NAMPT: variants seen among roughly 807,000 people sequenced by gnomAD.
NAMPT encodes the protein NAmPRTase.
In NAMPT, 7 loss-of-function variants were observed where a neutral mutation model predicts 58.7. The observed-to-expected ratio is 0.12, with a 90% confidence interval of 0.07 to 0.22. The LOEUF is 0.22. NAMPT is among the 10% of genes least tolerant of loss of function. The pLI, the probability that NAMPT is intolerant of heterozygous loss-of-function variation, is 1.00. For synonymous variants in NAMPT, 145 were observed against 198.1 expected (o/e 0.73, Z 2.25); for missense variants, 271 against 567.9 (o/e 0.48, Z 5.31).
At chr7:106,260,999 G>C (rs1299490833) in intron 8 of NAMPT, among the ~76,000 whole-genome samples, 1 of 152,318 alleles carries the variant, frequency 6.6e-6, no homozygotes, top group East Asian at 1.9e-4. Context: ...CAGACATGAA[G>C]TGAATACATG....
At chr7:106,283,329 A>AT (rs1249004361) in intron 1 of NAMPT, among the ~76,000 whole-genome samples, 1 of 152,156 alleles carries the variant, frequency 6.6e-6, no homozygotes, top group African/African-American at 2.4e-5. Flanking sequence ...TGTTAAAGTA[A>AT]TTTTACATTC....
rs767084137 is a variant in NAMPT, at chr7:106,269,151, T to C, written c.606+3A>G. Reference sequence around the variant, plus strand: ...TTAAATGAGGTTGGTTTCAGTTACTTACCTCTTGGGAAGAGACTCCTCTGT... The same window carrying C: ...TTAAATGAGGTTGGTTTCAGTTACTCACCTCTTGGGAAGAGACTCCTCTGT... On this transcript the variant is annotated splice_donor_region_variant and intron_variant, in intron 5 of 10. Coordinates refer to ENST00000222553, the MANE Select transcript of NAMPT (RefSeq NM_005746.3). 44 of 1,608,068 alleles carry C rather than the reference T, an allele frequency of 2.7e-5. No homozygotes were observed. The Admixed American group carries it at 6.2e-4, about 22-fold the overall frequency.
Position 106,269,282 on chromosome 7 carries a change from T to A in NAMPT, c.478A>T (p.Thr160Ser). ...TILVQSWYPITVATNSREQKK... is the reference protein window; with the variant it reads ...TILVQSWYPISVATNSREQKK... ...TGCTCTCTAGAATTTGTGGCCACTG[T>A]GATTGGATACCAGGACTGAACAAGA... Residue 160 changes from threonine (T) to serine (S), a missense_variant, in exon 5 of 11, where the codon ACA becomes TCA. Transcript: ENST00000222553. The A allele has an allele frequency of 6.2e-7, 1 of 1,613,540 alleles. No individual in the cohort carries two copies. The highest frequency in any genetic ancestry group is 1.3e-5 in the African/African-American group (1 of 75,032).
At chr7:106,269,382 C>CTTTTT in intron 4 of NAMPT, 70 bp from the exon 5 acceptor site, 1 of 1,152,802 alleles carries the variant, frequency 8.7e-7, no homozygotes, top group Non-Finnish European at 1.2e-6. Flanking sequence ...AAAATCCTAG[C>CTTTTT]TTTTTTTTTT....
intron 3 of NAMPT, 60 bp downstream of exon 3, chr7:106,274,886 C>A: frequency 9.1e-7 from 1 of 1,093,422 alleles, no homozygotes; most frequent in South Asian, 1.4e-5. Flanking sequence ...AATTCCTTTG[C>A]AAGAAGTTTT....
Position 106,269,331 on chromosome 7 carries a change from C to T in NAMPT, c.448-19G>A. The T allele has an allele frequency of 6.2e-7, 1 of 1,604,736 alleles. No homozygotes were observed. Among genetic ancestry groups the T allele is most frequent in the Non-Finnish European group, 8.5e-7 (1 of 1,174,388 alleles). Reference sequence around the variant, plus strand: ...GAATAGTCTGTAGTAACAAAATTAACCACAAATATTAAGACATAAAATACT... The same window carrying T: ...GAATAGTCTGTAGTAACAAAATTAATCACAAATATTAAGACATAAAATACT... On this transcript the variant is annotated intron_variant, in intron 4 of 10. Coordinates refer to ENST00000222553, the MANE Select transcript of NAMPT (RefSeq NM_005746.3).
rs1345183381 is a variant in NAMPT at position 106,280,355 on chromosome 7, AT to A, written c.58-3177del. Among the ~76,000 whole-genome samples, 6 of 152,338 alleles carry A rather than the reference AT, an allele frequency of 3.9e-5. No individual in the cohort carries two copies. In the East Asian group the frequency reaches 1.2e-3, roughly 29 times the overall value. ...TTATAGAGATGGGGAAGGCTATCAAATGGTAGGGAAATGAAGTGCTCAATTT... is the reference window on the plus strand; with the variant it reads ...TTATAGAGATGGGGAAGGCTATCAAAGGTAGGGAAATGAAGTGCTCAATTT... On this transcript the variant is annotated intron_variant, in intron 1 of 10. Transcript: ENST00000222553.
chr7:106,285,075 G>A (rs1246769663), upstream of NAMPT: 1 of 1,352,502 alleles, frequency 7.4e-7, no homozygotes, highest in Non-Finnish European at 9.6e-7. Context: ...CGGCGCGGGT[G>A]ACGGCTGCGG....
intron 8 of NAMPT, among the ~76,000 whole-genome samples, chr7:106,260,527 C>T (rs1792284653): frequency 1.3e-5 from 2 of 152,214 alleles, no homozygotes; most frequent in Admixed American, 1.3e-4. Context: ...TATTCATATG[C>T]TTAGTGGAGT....
At chr7:106,252,888 T>G in intron 10 of NAMPT, 129 bp downstream of exon 10, 2 of 1,177,396 alleles carry the variant, frequency 1.7e-6, no homozygotes, top group Non-Finnish European at 2.3e-6. Flanking sequence ...AGGTCAGCAA[T>G]TGGACATTTT....
chr7:106,257,411 T>C (rs1266392159), intron 8 of NAMPT, among the ~76,000 whole-genome samples: 1 of 150,342 alleles, frequency 6.7e-6, no homozygotes, highest in East Asian at 2.0e-4. Flanking sequence ...GCCAAACAGT[T>C]GAGACTGTTT....
intron 5 of NAMPT, 106 bp from the exon 6 acceptor site, chr7:106,268,706 G>C (rs1268959756): frequency 2.6e-6 from 2 of 771,518 alleles, no homozygotes; most frequent in Non-Finnish European, 4.4e-6. Flanking sequence ...GCTCCCATAA[G>C]AATTGTCTTT....
intron 1 of NAMPT, among the ~76,000 whole-genome samples, chr7:106,280,842 G>A (rs1422008575): frequency 6.6e-6 from 1 of 151,926 alleles, no homozygotes; most frequent in Non-Finnish European, 1.5e-5. Context: ...TCAGGAGACT[G>A]AGGCAAGAGA....
At chr7:106,274,892 G>C (rs1792604044) in intron 3 of NAMPT, 54 bp downstream of exon 3, 2 of 1,168,250 alleles carry the variant, frequency 1.7e-6, no homozygotes, top group Non-Finnish European at 2.5e-6. Flanking sequence ...TTTGCAAGAA[G>C]TTTTGAACTG....
At chr7:106,264,895 A>T (rs925332176) in intron 6 of NAMPT, among the ~76,000 whole-genome samples, 1 of 151,044 alleles carries the variant, frequency 6.6e-6, no homozygotes. Flanking sequence ...TTTTTTTTTT[A>T]AAGGACTAGA....
intron 10 of NAMPT, among the ~76,000 whole-genome samples, chr7:106,251,505 G>T (rs1363891901): frequency 6.6e-6 from 1 of 152,052 alleles, no homozygotes; most frequent in South Asian, 2.1e-4. Context: ...TCCTCAGGCT[G>T]AAGGAAGATG....
rs549654809 is a variant in NAMPT, at chr7:106,274,850, C to T, written c.318+96G>A. The T allele has an allele frequency of 3.5e-4, 273 of 788,974 alleles. No homozygotes were observed. The South Asian group carries it at 4.5e-3, about 13-fold the overall frequency. The allele number at this position is 788,974 out of a possible 1,614,324, so 48.9% of individuals were successfully genotyped here. A position where few individuals can be genotyped will look rare whatever the true frequency, so the allele number is the denominator to read the frequency against. ...AGCCTGGGTGACAGAGTGACACTTTCTCTCAAAAAACACAAAACAAAAACA... is the reference window on the plus strand; with the variant it reads ...AGCCTGGGTGACAGAGTGACACTTTTTCTCAAAAAACACAAAACAAAAACA... On this transcript the variant is annotated intron_variant, in intron 3 of 10. Transcript: ENST00000222553.
At chr7:106,272,728 G>A (rs1792559725) in intron 3 of NAMPT, 70 bp from the exon 4 acceptor site, 3 of 1,541,106 alleles carry the variant, frequency 1.9e-6, no homozygotes, top group East Asian at 2.3e-5. Flanking sequence ...TTTACTAAAG[G>A]TTCTTTACGT....
intron 4 of NAMPT, 179 bp downstream of exon 4, chr7:106,272,351 G>C (rs1792552244): frequency 3.9e-6 from 2 of 509,590 alleles, no homozygotes; most frequent in East Asian, 7.6e-5. Flanking sequence ...TATTCTACTA[G>C]AAGAAACCTT....
Sources: allele counts gnomAD v4.1 joint callset (sites outside exome capture counted in the v4.1 genomes callset), GRCh38; gene constraint gnomAD v4.1.1; transcripts MANE v1.5; gene names NCBI Gene and HGNC (gene_info 2026-07-23, HGNC 2026-07-21).